Variants in PLAC9 observed in about 807,000 individuals in gnomAD.
PLAC9 encodes the protein placenta associated 9, also known as placenta-specific protein 9.
Under a neutral mutation model 11.5 loss-of-function variants are expected in PLAC9, and 12 were observed. That is an observed-to-expected ratio of 1.05 (90% CI 0.67 to 1.69). The LOEUF (loss-of-function observed/expected upper bound fraction) is 1.69, where lower values mean the gene tolerates loss of function less well. Ranked by LOEUF, PLAC9 falls within the 40% of genes most tolerant of loss-of-function variation. The probability of loss-of-function intolerance (pLI) is 0.00; values close to 1 mark genes in which losing one functional copy is unlikely to be tolerated. For synonymous variants in PLAC9, 62 were observed against 58.1 expected (o/e 1.07, Z -0.31); for missense variants, 132 against 130.5 (o/e 1.01, Z -0.06).
chr10:80,132,159 TTTC>T (rs1456101840), upstream of PLAC9, among the ~76,000 whole-genome samples: 41 of 152,204 alleles, frequency 2.7e-4, no homozygotes, highest in East Asian at 3.7e-3. Context: ...GATTTTACCT[TTTC>T]TTTTTAAAAT....
intron 1 of PLAC9, among the ~76,000 whole-genome samples, chr10:80,140,260 G>A (rs1378529005): frequency 3.3e-5 from 5 of 151,552 alleles, no homozygotes. Flanking sequence ...TCTAGACCTT[G>A]CGATCCAATC....
Position 80,142,172 on chromosome 10 carries a change from T to C in PLAC9, c.155T>C (p.Met52Thr), listed in dbSNP as rs565273107. The C allele has an allele frequency of 5.6e-6, 9 of 1,604,664 alleles. No homozygotes were observed. In the African/African-American group the frequency reaches 8.0e-5, roughly 14 times the overall value. Residue 52 changes from methionine (M) to threonine (T), a missense_variant, in exon 2 of 4, where the codon ATG (methionine) becomes ACG (threonine). Transcript: ENST00000372263. ...GCTGTGCAACGCCGTCTAGATGTCA[T>C]GGAGGAGGTAACAGGGTGGTTTGGA... ...HMAVQRRLDV[M>T]EEMVEKTVDH...
At chr10:80,133,341 C>T (rs987792812) in intron 1 of PLAC9, among the ~76,000 whole-genome samples, 1 of 152,184 alleles carries the variant, frequency 6.6e-6, no homozygotes, top group African/African-American at 2.4e-5. Flanking sequence ...GGGGCAGCCC[C>T]GGAGGCCAGC....
At chr10:80,144,153 T>A in intron 2 of PLAC9, 70 bp from the exon 3 acceptor site, 1 of 1,608,144 alleles carries the variant, frequency 6.2e-7, no homozygotes, top group Non-Finnish European at 8.5e-7. Context: ...GCTGCTCTCT[T>A]AGGACCTAGC....
At chr10:80,144,837 C>A in intron 3 of PLAC9, 63 bp from the exon 4 acceptor site, 1 of 1,503,930 alleles carries the variant, frequency 6.6e-7, no homozygotes, top group South Asian at 1.3e-5. Flanking sequence ...CTGCTGGGCA[C>A]CACGGGGGCA....
chr10:80,144,162 G>C lies in PLAC9; in HGVS notation c.163-61G>C, dbSNP rs112000608. On this transcript the variant is annotated intron_variant, in intron 2 of 3. Transcript: ENST00000372263. ...CCGCCAGCTGCTCTCTTAGGACCTA[G>C]CTGATGAAGCGGAACGTGGAACCAC... 5.0e-5 allele frequency: 80 copies of C among 1,612,418 alleles called. 1 individual carries two copies. The African/African-American group carries it at 9.2e-4, about 19-fold the overall frequency.
intron 1 of PLAC9, among the ~76,000 whole-genome samples, chr10:80,140,001 T>C (rs1301612648): frequency 2.0e-5 from 3 of 152,226 alleles, no homozygotes; most frequent in African/African-American, 7.2e-5. Context: ...ACAGAGTAAA[T>C]AGAGGCCATC....
upstream of PLAC9, chr10:80,132,469 CCCCGCCTT>C: frequency 2.6e-6 from 1 of 388,650 alleles, no homozygotes; most frequent in Non-Finnish European, 4.6e-6. Context: ...ATGCCCCCCG[CCCCGCCTT>C]CCCTCCCGGG....
chr10:80,145,289 A>C lies in PLAC9; in HGVS notation c.*379A>C. The C allele has an allele frequency of 2.8e-6, 1 of 355,082 alleles. No homozygotes were observed. The highest frequency in any genetic ancestry group is 5.1e-6 in the Non-Finnish European group (1 of 196,404). The allele number at this position is 355,082 out of a possible 1,614,324, so 22.0% of individuals were successfully genotyped here. The stretch of plus-strand genomic sequence containing the variant: ...GGACCCACCCAGACTGTTTAATCCA[A>C]ATCTGCATTGCAATGAGACCCCCAG... On this transcript the variant is annotated 3_prime_UTR_variant, in exon 4 of 4. Coordinates refer to ENST00000372263, the MANE Select transcript of PLAC9 (RefSeq NM_001012973.3).
chr10:80,139,242 G>A (rs1845014171), intron 1 of PLAC9, among the ~76,000 whole-genome samples: 3 of 152,012 alleles, frequency 2.0e-5, no homozygotes, highest in South Asian at 4.2e-4. Flanking sequence ...GTGAGCCACC[G>A]CGCCTGGCTA....
Position 80,142,090 on chromosome 10 carries a change from C to T in PLAC9, c.73C>T (p.Pro25Ser). ...GACTTGTTTTCCCACAGCTGCCGAA[C>T]CCTTCAGCCCTCCGCGAGGAGACTC... ...RAAGSLAAAEPFSPPRGDSAQ... is the reference protein window; with the variant it reads ...RAAGSLAAAESFSPPRGDSAQ... Residue 25 changes from proline (P) to serine (S), a missense_variant, in exon 2 of 4, where the codon CCC (proline) becomes TCC (serine). Physicochemically the swap from Pro to Ser is moderately conservative, Grantham distance 74. Transcript: ENST00000372263. 1.2e-6 allele frequency: 2 copies of T among 1,608,018 alleles called. No homozygotes were observed. Among genetic ancestry groups the T allele is most frequent in the Non-Finnish European group, 1.7e-6 (2 of 1,175,410 alleles).
chr10:80,135,106 G>A (rs1399291114), intron 1 of PLAC9, among the ~76,000 whole-genome samples: 5 of 151,690 alleles, frequency 3.3e-5, no homozygotes, highest in Admixed American at 6.6e-5. Context: ...TGCAAGCTCC[G>A]CCTCCCGGGT....
upstream of PLAC9, chr10:80,132,691 G>C (rs780655247): frequency 4.6e-6 from 6 of 1,309,736 alleles, no homozygotes; most frequent in Middle Eastern, 2.6e-4. Context: ...ATTTCCTCTC[G>C]GGCCGGCCGG....
chr10:80,136,835 T>C (rs1169234447), intron 1 of PLAC9, among the ~76,000 whole-genome samples: 3 of 151,960 alleles, frequency 2.0e-5, no homozygotes, highest in Non-Finnish European at 2.9e-5. Context: ...TCTTGAGGCC[T>C]CTCTGCAGCC....
intron 1 of PLAC9, among the ~76,000 whole-genome samples, chr10:80,138,670 C>T (rs1845004772): frequency 6.6e-6 from 1 of 152,156 alleles, no homozygotes; most frequent in South Asian, 2.1e-4. Flanking sequence ...CAGGCATTTG[C>T]AGATGGTGTG....
At chr10:80,139,931 A>T (rs865956995) in intron 1 of PLAC9, among the ~76,000 whole-genome samples, 1 of 152,112 alleles carries the variant, frequency 6.6e-6, no homozygotes, top group Middle Eastern at 3.4e-3. Context: ...CAACCTACTC[A>T]TAGAATTCTT....
chr10:80,137,356 G>T (rs1470892462), intron 1 of PLAC9, among the ~76,000 whole-genome samples: 1 of 152,214 alleles, frequency 6.6e-6, no homozygotes, highest in Non-Finnish European at 1.5e-5. Context: ...CTCCCATTTG[G>T]CTGGCAGGGT....
rs1181955358 is a variant in PLAC9, at chr10:80,145,174, AG to A, written c.*268del. ...TGTCATTTATAGGGGCAGATGGAGC[AG>A]GGGTTGATTCACACAGATGGGGGCC... is the stretch of plus-strand genomic sequence containing the variant. On this transcript the variant is annotated 3_prime_UTR_variant, in exon 4 of 4. Transcript: ENST00000372263. 1.1e-5 allele frequency: 7 copies of A among 615,960 alleles called. No individual in the cohort carries two copies. The highest frequency in any genetic ancestry group is 2.0e-5 in the Non-Finnish European group (7 of 348,024). The allele number at this position is 615,960 out of a possible 1,614,324, so 38.2% of individuals were successfully genotyped here.
chr10:80,145,227 G>T lies in PLAC9; in HGVS notation c.*317G>T. On this transcript the variant is annotated 3_prime_UTR_variant, in exon 4 of 4. Transcript: ENST00000372263. ...TTTGAGTGGCCTTGCTTCTCAAAAT[G>T]TGGCCATAGGTGAAAAGCAAGGGGA... is the stretch of plus-strand genomic sequence containing the variant. The T allele has an allele frequency of 2.0e-6, 1 of 502,912 alleles. No individual in the cohort carries two copies. Among genetic ancestry groups the T allele is most frequent in the South Asian group, 2.5e-5 (1 of 40,144 alleles). 31.2% of individuals were successfully genotyped at this position (502,912 alleles called of 1,614,324 possible).
Sources: allele counts gnomAD v4.1 joint callset (sites outside exome capture counted in the v4.1 genomes callset), GRCh38; gene constraint gnomAD v4.1.1; transcripts MANE v1.5; gene names NCBI Gene and HGNC (gene_info 2026-07-23, HGNC 2026-07-21).